The following HTR2C variants were observed in gnomAD, a reference collection of about 807,000 sequenced individuals.
HTR2C encodes the protein 5-hydroxytryptamine (serotonin) receptor 2C, G protein-coupled.
A neutral mutation model predicts 21.0 loss-of-function variants in HTR2C; 5 were observed. The ratio of observed to expected loss-of-function variants is 0.24; its 90% CI spans 0.12 to 0.50. The LOEUF (loss-of-function observed/expected upper bound fraction) is 0.50. Ranked by LOEUF, HTR2C falls within the 20% of genes least tolerant of loss-of-function variation. The pLI is 0.98. For missense variants in HTR2C, 271 were observed against 371.2 expected (o/e 0.73, Z 2.22); for synonymous variants, 150 against 145.3 (o/e 1.03, Z -0.23).
At chrX:114,709,000 G>A (rs1556418855) in intron 2 of HTR2C, among the ~76,000 whole-genome samples, 1 of 111,721 alleles carries the variant, frequency 9.0e-6, no homozygotes, top group African/African-American at 3.2e-5. Flanking sequence ...CAATATCAAA[G>A]GCAGTGCTAT....
intron 4 of HTR2C, among the ~76,000 whole-genome samples, chrX:114,815,419 T>C (rs782514489): frequency 1.8e-5 from 2 of 111,593 alleles, no homozygotes; most frequent in East Asian, 5.6e-4. Flanking sequence ...TAAAATCTTG[T>C]GCAAATCCTG....
intron 5 of HTR2C, among the ~76,000 whole-genome samples, chrX:114,852,256 C>T (rs1434005371): frequency 9.1e-6 from 1 of 109,553 alleles, no homozygotes; most frequent in East Asian, 2.9e-4. Context: ...CATGTATTCC[C>T]CAACCTTGTT....
rs1556480749 is a variant in HTR2C, at chrX:114,884,702, G to A, written c.551-21887G>A. Among the ~76,000 whole-genome samples the A allele has an allele frequency of 7.2e-5, 8 of 111,592 alleles. No individual in the cohort carries two copies. The Admixed American group carries it at 7.6e-4, about 11-fold the overall frequency. On this transcript the variant is annotated intron_variant, in intron 5 of 5. Coordinates refer to ENST00000276198, the MANE Select transcript of HTR2C (RefSeq NM_000868.4). ...AAAAGGCAACCCTTGCACACTTTTG[G>A]TGGGAATGTAAATTAGTACAGCTAC...
intron 4 of HTR2C, among the ~76,000 whole-genome samples, chrX:114,795,131 T>C (rs1158180519): frequency 9.0e-6 from 1 of 111,589 alleles, no homozygotes; most frequent in African/African-American, 3.3e-5. Context: ...TGGCCAGTGA[T>C]GATGAGCATT....
intron 4 of HTR2C, among the ~76,000 whole-genome samples, chrX:114,814,870 A>G (rs1302235648): frequency 9.9e-6 from 1 of 101,173 alleles, no homozygotes; most frequent in Non-Finnish European, 2.0e-5. Flanking sequence ...AGTATATATG[A>G]TATATACTAT....
intron 2 of HTR2C, among the ~76,000 whole-genome samples, chrX:114,715,714 C>T (rs1322262510): frequency 8.9e-6 from 1 of 111,879 alleles, no homozygotes; most frequent in African/African-American, 3.2e-5. Context: ...GATATCTAAC[C>T]TCAAGCTATG....
intron 5 of HTR2C, among the ~76,000 whole-genome samples, chrX:114,891,327 TTC>T (rs2071257441): frequency 9.0e-6 from 1 of 111,044 alleles, no homozygotes; most frequent in South Asian, 3.8e-4. Context: ...GTTTCCCACT[TTC>T]TGTTTCTTTG....
At chrX:114,696,782 TA>T (rs1932290217) in intron 2 of HTR2C, among the ~76,000 whole-genome samples, 1 of 28,679 alleles carries the variant, frequency 3.5e-5, no homozygotes, top group Non-Finnish European at 7.1e-5. Context: ...ATCTTTCTTC[TA>T]TTTTTTTTCT....
At chrX:114,771,623 C>T (rs782176851) in intron 4 of HTR2C, among the ~76,000 whole-genome samples, 1 of 112,039 alleles carries the variant, frequency 8.9e-6, no homozygotes, top group Admixed American at 9.5e-5. Flanking sequence ...CACATTTGTG[C>T]AGCCTTTTAG....
intron 5 of HTR2C, among the ~76,000 whole-genome samples, chrX:114,871,537 T>C (rs2071091566): frequency 9.0e-6 from 1 of 111,374 alleles, no homozygotes; most frequent in African/African-American, 3.3e-5. Flanking sequence ...TCTCTAACTC[T>C]TATTGTACTT....
At chrX:114,795,610 A>G (rs1054602341) in intron 4 of HTR2C, among the ~76,000 whole-genome samples, 124 of 111,721 alleles carry the variant, frequency 1.1e-3, no homozygotes, top group African/African-American at 3.6e-3. Flanking sequence ...AGCACCATTT[A>G]TTAAATAAGG....
intron 2 of HTR2C, among the ~76,000 whole-genome samples, chrX:114,713,729 A>G (rs1463103268): frequency 8.9e-6 from 1 of 111,760 alleles, no homozygotes; most frequent in East Asian, 2.8e-4. Context: ...ATATTCAAAC[A>G]TTCAAAGGGC....
chrX:114,604,922 T>A (rs1281935533), intron 1 of HTR2C, among the ~76,000 whole-genome samples: 1 of 111,589 alleles, frequency 9.0e-6, no homozygotes, highest in African/African-American at 3.3e-5. Flanking sequence ...AAGGCGAGGT[T>A]AATTAAATCC....
At position 114,804,739 on chromosome X, in the gene HTR2C, A is replaced by T. The variant is rs181351425; in HGVS notation, c.350-43264A>T. 6.6e-3 allele frequency among the ~76,000 whole-genome samples: 738 copies of T among 111,458 alleles called. 5 individuals carry two copies. Among genetic ancestry groups the T allele is most frequent in the African/African-American group, 0.023 (707 of 30,730 alleles). ...ACACCTTCAGCTAGTATTTCCAGGG[A>T]CTTGTTACAGGGACATAAATTTCAA... is the stretch of plus-strand genomic sequence containing the variant. On this transcript the variant is annotated intron_variant, in intron 4 of 5. Transcript: ENST00000276198.
intron 1 of HTR2C, among the ~76,000 whole-genome samples, chrX:114,609,614 C>G (rs1415732298): frequency 9.0e-6 from 1 of 110,926 alleles, no homozygotes; most frequent in Admixed American, 9.6e-5. Flanking sequence ...TCGTGTTAGA[C>G]AAAGATTGAA....
At chrX:114,682,664 C>T (rs1556413665) in intron 2 of HTR2C, among the ~76,000 whole-genome samples, 1 of 110,587 alleles carries the variant, frequency 9.0e-6, no homozygotes, top group African/African-American at 3.3e-5. Flanking sequence ...TTTTGTTTAC[C>T]CAGGAAAAGA....
At chrX:114,831,838 C>G (rs1334446288) in intron 4 of HTR2C, among the ~76,000 whole-genome samples, 1 of 99,881 alleles carries the variant, frequency 1.0e-5, no homozygotes, top group Non-Finnish European at 2.0e-5. Context: ...TTAGGTCTAA[C>G]GTTTAAGTCT....
At chrX:114,796,695 G>A (rs1227622498) in intron 4 of HTR2C, among the ~76,000 whole-genome samples, 6 of 111,136 alleles carry the variant, frequency 5.4e-5, no homozygotes, top group African/African-American at 2.0e-4. Context: ...GGCTCCTTGT[G>A]ATGTCAAAGG....
At chrX:114,726,615 G>A (rs1933499107) in intron 2 of HTR2C, among the ~76,000 whole-genome samples, 1 of 112,143 alleles carries the variant, frequency 8.9e-6, no homozygotes, top group Admixed American at 9.4e-5. Context: ...GGGAAATTTG[G>A]TATAAACCAT....
Sources: allele counts gnomAD v4.1 joint callset (sites outside exome capture counted in the v4.1 genomes callset), GRCh38; gene constraint gnomAD v4.1.1; transcripts MANE v1.5; gene names NCBI Gene and HGNC (gene_info 2026-07-23, HGNC 2026-07-21).